DOT1L: variants seen among roughly 807,000 people sequenced by gnomAD.
The protein encoded by DOT1L is histone-lysine N-methyltransferase, H3 lysine-79 specific.
Under a neutral mutation model 153.3 loss-of-function variants are expected in DOT1L, and 33 were observed. The ratio of observed to expected loss-of-function variants is 0.22; its 90% CI spans 0.16 to 0.29. The LOEUF is 0.29. DOT1L is among the 10% of genes least tolerant of loss of function. The pLI, the probability that DOT1L is intolerant of heterozygous loss-of-function variation, is 1.00. For missense variants in DOT1L, 1,847 were observed against 2,119.9 expected (o/e 0.87, Z 2.53); for synonymous variants, 1,135 against 965.1 (o/e 1.18, Z -3.26).
chr19:2,215,133 C>G (rs1044357906), intron 19 of DOT1L, among the ~76,000 whole-genome samples: 3 of 152,068 alleles, frequency 2.0e-5, no homozygotes, highest in African/African-American at 4.8e-5. Flanking sequence ...GGAGTTCTGG[C>G]TCCCAGGATG....
At chr19:2,178,463 G>T (rs1441926554) in intron 1 of DOT1L, among the ~76,000 whole-genome samples, 1 of 148,252 alleles carries the variant, frequency 6.7e-6, no homozygotes, top group Non-Finnish European at 1.5e-5. Context: ...TTTTGCCCAG[G>T]CTGGAGTGCA....
At chr19:2,189,859 C>A in intron 4 of DOT1L, 64 bp downstream of exon 4, 1 of 1,551,402 alleles carries the variant, frequency 6.4e-7, no homozygotes, top group South Asian at 1.1e-5. Flanking sequence ...CCTCCAGACC[C>A]CTTATGTCAC....
chr19:2,196,989 G>A (rs928928407), intron 7 of DOT1L, among the ~76,000 whole-genome samples: 1 of 152,206 alleles, frequency 6.6e-6, no homozygotes, highest in Non-Finnish European at 1.5e-5. Flanking sequence ...TGCTGTGATG[G>A]GTTTCCAGTG....
intron 3 of DOT1L, among the ~76,000 whole-genome samples, chr19:2,187,769 A>G (rs1249240380): frequency 6.6e-6 from 1 of 152,074 alleles, no homozygotes; most frequent in Non-Finnish European, 1.5e-5. Flanking sequence ...AAAAATACAA[A>G]AAATTAGCCG....
At position 2,173,286 on chromosome 19, in the gene DOT1L, G is replaced by A. The variant is rs60419806; in HGVS notation, c.82-7427G>A. Among the ~76,000 whole-genome samples, 1,474 of 152,282 alleles carry A rather than the reference G, an allele frequency of 9.7e-3. 24 individuals are homozygous for A. Among genetic ancestry groups the A allele is most frequent in the African/African-American group, 0.033 (1,381 of 41,534 alleles). ...TTTGGCCTCAGGCTAGAGGGTCGGT[G>A]TCTGTCAGCCTGTGCTCAGACGAGG... On this transcript the variant is annotated intron_variant, in intron 1 of 27. Coordinates refer to ENST00000398665, the MANE Select transcript of DOT1L (RefSeq NM_032482.3).
Position 2,220,360 on chromosome 19 carries a change from A to G in DOT1L, c.2806+138A>G, listed in dbSNP as rs2024070411. 2.4e-6 allele frequency: 2 copies of G among 830,288 alleles called. No homozygotes were observed. The highest frequency in any genetic ancestry group is 2.0e-5 in the Admixed American group (1 of 49,986). 51.4% of individuals were successfully genotyped at this position (830,288 alleles called of 1,614,324 possible). On this transcript the variant is annotated intron_variant, in intron 23 of 27. Coordinates refer to ENST00000398665, the MANE Select transcript of DOT1L (RefSeq NM_032482.3). The surrounding 1 kb of genome is among the most constrained non-coding windows in gnomAD (Gnocchi z 4.5). ...CTGCTGCCCCAAACCGCCACGCCTC[A>G]TTACTGACACCCTTTCCTGCATCCC...
intron 7 of DOT1L, among the ~76,000 whole-genome samples, chr19:2,198,920 G>A (rs112992482): frequency 2.6e-5 from 4 of 152,348 alleles, no homozygotes; most frequent in African/African-American, 9.6e-5. Flanking sequence ...CTGCTTCCAG[G>A]TGTGCGCGGC....
At chr19:2,175,052 G>A in intron 1 of DOT1L, among the ~76,000 whole-genome samples, 1 of 150,966 alleles carries the variant, frequency 6.6e-6, no homozygotes, top group African/African-American at 2.4e-5. Flanking sequence ...AGGCTGGAGT[G>A]CAGTGGCGCC....
intron 2 of DOT1L, among the ~76,000 whole-genome samples, chr19:2,184,687 C>G (rs2022409344): frequency 6.6e-6 from 1 of 152,188 alleles, no homozygotes; most frequent in South Asian, 2.1e-4. Flanking sequence ...TTTCTGGCCT[C>G]TTGGAGGGTA....
At chr19:2,210,107 G>C (rs1489439488) in intron 12 of DOT1L, among the ~76,000 whole-genome samples, 4 of 152,246 alleles carry the variant, frequency 2.6e-5, no homozygotes, top group African/African-American at 7.2e-5. Context: ...TCTTGGATGT[G>C]GTTCTTTTTC....
At chr19:2,176,106 C>G (rs2021919974) in intron 1 of DOT1L, among the ~76,000 whole-genome samples, 1 of 152,172 alleles carries the variant, frequency 6.6e-6, no homozygotes, top group South Asian at 2.1e-4. Flanking sequence ...CATCCACTCT[C>G]AGTTGGGGGT....
chr19:2,228,872 C>T lies in DOT1L; in HGVS notation c.4607-913C>T, dbSNP rs946780339. ...GGGTGGCTGGCTGGATGCCTCTGGTCGGGGCTGTCTGGCCAGTAGCCTCGG... is the reference window on the plus strand; with the variant it reads ...GGGTGGCTGGCTGGATGCCTCTGGTTGGGGCTGTCTGGCCAGTAGCCTCGG... On this transcript the variant is annotated intron_variant, in intron 27 of 27. Coordinates refer to ENST00000398665, the MANE Select transcript of DOT1L (RefSeq NM_032482.3). The T allele has an allele frequency of 1.5e-5, 15 of 985,298 alleles. No homozygotes were observed. In the East Asian group the frequency reaches 6.8e-4, roughly 45 times the overall value. 61.0% of individuals were successfully genotyped at this position (985,298 alleles called of 1,614,324 possible). A position where few individuals can be genotyped will look rare whatever the true frequency, so the allele number is the denominator to read the frequency against.
chr19:2,170,265 A>G (rs2020074904), intron 1 of DOT1L, among the ~76,000 whole-genome samples: 1 of 152,252 alleles, frequency 6.6e-6, no homozygotes. Context: ...ACCAGGATGC[A>G]GGAACAGATA....
intron 8 of DOT1L, among the ~76,000 whole-genome samples, chr19:2,200,311 C>T (rs894446886): frequency 1.3e-5 from 2 of 152,086 alleles, no homozygotes; most frequent in African/African-American, 4.8e-5. Context: ...TGGCTGGCAC[C>T]CACACAGCAC....
chr19:2,176,961 T>C (rs1351527542), intron 1 of DOT1L, among the ~76,000 whole-genome samples: 1 of 152,094 alleles, frequency 6.6e-6, no homozygotes, highest in East Asian at 1.9e-4. Context: ...AGGACCCCGA[T>C]ATGAGGGAGC....
In DOT1L at chr19:2,223,481, T is replaced by C; in HGVS notation, c.3591T>C (p.Ser1197=). The part of the protein sequence containing the change: ...EEPGSEDEPS[S]ARIERKIATI... Reference sequence around the variant, plus strand: ...CAGGCTCTGAGGACGAGCCCAGCAGTGCTCGGCGAGTCCAGGGGCCCGGAG... The same window carrying C: ...CAGGCTCTGAGGACGAGCCCAGCAGCGCTCGGCGAGTCCAGGGGCCCGGAG... Residue 1197 remains serine (S), a synonymous_variant, in exon 25 of 28, where the codon AGT becomes AGC. Transcript: ENST00000398665. The C allele has an allele frequency of 1.3e-6, 2 of 1,539,286 alleles. No individual in the cohort carries two copies. The highest frequency in any genetic ancestry group is 2.6e-5 in the East Asian group (1 of 37,968).
chr19:2,225,348 A>T, intron 25 of DOT1L, 40 bp from the exon 26 acceptor site: 1 of 1,581,826 alleles, frequency 6.3e-7, no homozygotes, highest in Non-Finnish European at 8.7e-7. Context: ...CTTAGTATGC[A>T]GCTGGGTTTC....
In DOT1L at chr19:2,226,872, G is replaced by A. The variant is rs778873950; in HGVS notation, c.4351G>A (p.Ala1451Thr). Residue 1451 changes from alanine (A) to threonine (T), a missense_variant, in exon 27 of 28, where the codon GCA becomes ACA. Around this residue, in one of 8 missense-constraint regions of DOT1L, gnomAD observed 934 missense variants for 825.3 expected, o/e 1.13. Transcript: ENST00000398665. ...GPGLAPAASS[A>T]GGAASSAQTH... ...CGGCCTGGCCCCGGCGGCGTCCTCCGCAGGCGGCGCGGCGTCCTCCGCCCA... is the reference window on the plus strand; with the variant it reads ...CGGCCTGGCCCCGGCGGCGTCCTCCACAGGCGGCGCGGCGTCCTCCGCCCA... The A allele has an allele frequency of 7.0e-6, 11 of 1,572,238 alleles. No individual in the cohort carries two copies. The highest frequency in any genetic ancestry group is 6.8e-5 in the South Asian group (6 of 88,004).
chr19:2,181,763 A>ACCAGCCCCAGCCCCAGCC (rs899034866), intron 2 of DOT1L, among the ~76,000 whole-genome samples: 5 of 138,490 alleles, frequency 3.6e-5, no homozygotes, highest in Admixed American at 1.4e-4. Flanking sequence ...CCCGCCCAGC[A>ACCAGCCCCAGCCCCAGCC]CCAGCCCCAG....
Sources: allele counts gnomAD v4.1 joint callset (sites outside exome capture counted in the v4.1 genomes callset), GRCh38; gene constraint gnomAD v4.1.1; regional missense constraint gnomAD v4.1.1; non-coding constraint Gnocchi (gnomAD v3.1); transcripts MANE v1.5; gene names NCBI Gene and HGNC (gene_info 2026-07-23, HGNC 2026-07-21).